SLC25A26: variants seen among roughly 807,000 people sequenced by gnomAD.
SLC25A26 encodes the protein solute carrier family 25 member 26, also known as mitochondrial S-adenosylmethionine carrier protein.
A neutral mutation model predicts 37.8 loss-of-function variants in SLC25A26; 36 were observed. The observed-to-expected ratio is 0.95, with a 90% CI of 0.73 to 1.26. SLC25A26 has a LOEUF of 1.26. Among genes scored for constraint, SLC25A26 ranks in the 50% most tolerant of loss-of-function variants. The pLI is 0.00. For synonymous variants in SLC25A26, 129 were observed against 122.5 expected, an observed-to-expected ratio of 1.05 and a Z score of -0.35; for missense variants, 390 against 331.1, an observed-to-expected ratio of 1.18 and a Z score of -1.38.
chr3:66,214,698 A>C (rs2071334564), intron 1 of SLC25A26, among the ~76,000 whole-genome samples: 1 of 152,196 alleles, frequency 6.6e-6, no homozygotes, highest in African/African-American at 2.4e-5. Context: ...TACACTTAAA[A>C]ATTTGATGTG....
chr3:66,254,321 T>C (rs2073216730), intron 3 of SLC25A26, among the ~76,000 whole-genome samples: 1 of 152,236 alleles, frequency 6.6e-6, no homozygotes, highest in Admixed American at 6.5e-5. Context: ...GAAACCTGCT[T>C]TCTAAAGAGA....
At chr3:66,311,358 G>T (rs1230187078) in intron 5 of SLC25A26, among the ~76,000 whole-genome samples, 1 of 151,996 alleles carries the variant, frequency 6.6e-6, no homozygotes, top group African/African-American at 2.4e-5. Flanking sequence ...TTATGTTCGT[G>T]TCTAAACTGG....
chr3:66,351,642 C>A lies in SLC25A26; in HGVS notation c.498+5234C>A, dbSNP rs539404229. Reference sequence around the variant, plus strand: ...GTTGACATCCTCACTCAGGATGTCTCTGAGTGGCTAGGTCAGAACAGAACT... The same window carrying A: ...GTTGACATCCTCACTCAGGATGTCTATGAGTGGCTAGGTCAGAACAGAACT... On this transcript the variant is annotated intron_variant, in intron 6 of 9. Coordinates refer to ENST00000354883, the MANE Select transcript of SLC25A26 (RefSeq NM_001379210.1). Among the ~76,000 whole-genome samples the A allele has an allele frequency of 9.2e-5, 14 of 152,294 alleles. No homozygotes were observed. In the East Asian group the frequency reaches 2.5e-3, roughly 27 times the overall value.
chr3:66,329,944 TG>T (rs1409201548), intron 5 of SLC25A26, among the ~76,000 whole-genome samples: 1 of 152,228 alleles, frequency 6.6e-6, no homozygotes, highest in Admixed American at 6.5e-5. Flanking sequence ...TGCTTTAGCA[TG>T]TTTTTTGTAG....
rs2075577675 is a variant in SLC25A26 at position 66,317,708 on chromosome 3, A to G, written c.454-28656A>G. On this transcript the variant is annotated intron_variant, in intron 5 of 9. Transcript: ENST00000354883. ...CCCTGACTCTCCAGAGCCAGCAGGC[A>G]TAAAAGACTAAGATTGCTTATCCAT... 2.6e-5 allele frequency among the ~76,000 whole-genome samples: 4 copies of G among 152,310 alleles called. No homozygotes were observed. In the South Asian group the frequency reaches 8.3e-4, roughly 32 times the overall value.
rs145346897 is a variant in SLC25A26 at position 66,278,867 on chromosome 3, T to C, written c.453+15488T>C. On this transcript the variant is annotated intron_variant, in intron 5 of 9. Transcript: ENST00000354883. ...GAGGGTTGACAATTTCATCCTGTCT[T>C]TTACCCTCAGTCACTTCTTTCATAG... Among the ~76,000 whole-genome samples the C allele has an allele frequency of 1.5e-3, 236 of 152,282 alleles. 2 individuals carry two copies. The highest frequency in any genetic ancestry group is 3.0e-3 in the Admixed American group (46 of 15,298).
At chr3:66,357,709 A>T (rs995517956) in intron 6 of SLC25A26, among the ~76,000 whole-genome samples, 1 of 151,736 alleles carries the variant, frequency 6.6e-6, no homozygotes, top group East Asian at 1.9e-4. Flanking sequence ...TTTTCGGCAG[A>T]TTCTTAAAAA....
chr3:66,318,868 T>C (rs2075614961), intron 5 of SLC25A26, among the ~76,000 whole-genome samples: 1 of 152,086 alleles, frequency 6.6e-6, no homozygotes, highest in African/African-American at 2.4e-5. Context: ...CAGGCTGGTG[T>C]CTAACTCCTG....
chr3:66,266,076 G>C (rs1259394051), intron 5 of SLC25A26, among the ~76,000 whole-genome samples: 2 of 152,208 alleles, frequency 1.3e-5, no homozygotes, highest in East Asian at 3.9e-4. Flanking sequence ...ATCCTTGAAA[G>C]TAGTGTGACC....
At chr3:66,347,752 A>C (rs888473294) in intron 6 of SLC25A26, among the ~76,000 whole-genome samples, 17 of 152,280 alleles carry the variant, frequency 1.1e-4, no homozygotes, top group Admixed American at 6.5e-4. Context: ...AGACTGCATA[A>C]AGAAAATGTG....
intron 1 of SLC25A26, among the ~76,000 whole-genome samples, chr3:66,192,776 CT>C (rs1257579341): frequency 6.6e-6 from 1 of 152,140 alleles, no homozygotes; most frequent in African/African-American, 2.4e-5. Flanking sequence ...TTTTAATTGT[CT>C]CTTCCTTCTT....
At chr3:66,255,462 T>C (rs2073260858) in intron 3 of SLC25A26, among the ~76,000 whole-genome samples, 1 of 152,128 alleles carries the variant, frequency 6.6e-6, no homozygotes, top group South Asian at 2.1e-4. Context: ...CAGCATTGCA[T>C]TTTGATTTTG....
chr3:66,231,833 G>A (rs912260629), intron 1 of SLC25A26, among the ~76,000 whole-genome samples: 39 of 149,858 alleles, frequency 2.6e-4, no homozygotes, highest in African/African-American at 8.6e-4. Context: ...GGGCAGTGGC[G>A]TGATCATAGC....
intron 5 of SLC25A26, among the ~76,000 whole-genome samples, chr3:66,337,651 A>G (rs1158341569): frequency 6.6e-6 from 1 of 152,104 alleles, no homozygotes; most frequent in African/African-American, 2.4e-5. Flanking sequence ...CAAATTGTTA[A>G]TGACAGTTAA....
intron 1 of SLC25A26, among the ~76,000 whole-genome samples, chr3:66,162,741 A>T (rs2070377854): frequency 1.3e-5 from 2 of 152,238 alleles, no homozygotes; most frequent in Non-Finnish European, 1.5e-5. Flanking sequence ...CTGCAGATGC[A>T]GTCTCTTGGC....
At chr3:66,276,442 CTT>C (rs1402417236) in intron 5 of SLC25A26, among the ~76,000 whole-genome samples, 1 of 152,036 alleles carries the variant, frequency 6.6e-6, no homozygotes, top group Non-Finnish European at 1.5e-5. Flanking sequence ...TGAACCAAAT[CTT>C]GACCTGAGTG....
chr3:66,296,885 G>A (rs1229476536), intron 5 of SLC25A26, among the ~76,000 whole-genome samples: 1 of 152,190 alleles, frequency 6.6e-6, no homozygotes, highest in Non-Finnish European at 1.5e-5. Context: ...CCTCGATTCT[G>A]TTTTCCACAC....
At chr3:66,367,881 C>T (rs2076860450) in intron 7 of SLC25A26, among the ~76,000 whole-genome samples, 1 of 152,244 alleles carries the variant, frequency 6.6e-6, no homozygotes, top group African/African-American at 2.4e-5. Flanking sequence ...TTTCAGACAA[C>T]CTCTGGATAG....
intron 1 of SLC25A26, among the ~76,000 whole-genome samples, chr3:66,154,536 T>C (rs2070252301): frequency 7.5e-6 from 1 of 133,634 alleles, no homozygotes; most frequent in Non-Finnish European, 1.6e-5. Flanking sequence ...CGTTTTCTTT[T>C]TTTCTTTTTT....
Sources: allele counts gnomAD v4.1 joint callset (sites outside exome capture counted in the v4.1 genomes callset), GRCh38; gene constraint gnomAD v4.1.1; transcripts MANE v1.5; gene names NCBI Gene and HGNC (gene_info 2026-07-23, HGNC 2026-07-21).